The following WLS variants were observed in gnomAD, a reference collection of about 807,000 sequenced individuals.
WLS encodes the protein protein wntless homolog.
Under a neutral mutation model 62.8 loss-of-function variants are expected in WLS, and 23 were observed. That is an observed-to-expected ratio of 0.37 (90% confidence interval 0.26 to 0.52). The LOEUF (loss-of-function observed/expected upper bound fraction) is 0.52. Ranked by LOEUF, WLS falls within the 20% of genes least tolerant of loss-of-function variation. The probability of loss-of-function intolerance (pLI) is 0.92; values close to 1 mark genes in which losing one functional copy is unlikely to be tolerated. For missense variants in WLS, 615 were observed against 697.3 expected (o/e 0.88, Z 1.33); for synonymous variants, 246 against 244.1 (o/e 1.01, Z -0.07).
intron 1 of WLS, 98 bp downstream of exon 1, chr1:68,232,096 G>A (rs1650454517): frequency 6.6e-7 from 1 of 1,507,716 alleles, no homozygotes; most frequent in African/African-American, 1.4e-5. Flanking sequence ...GATCATAGAA[G>A]CAAGGCAGTG....
intron 1 of WLS, among the ~76,000 whole-genome samples, chr1:68,206,010 G>T (rs530859424): frequency 1.3e-5 from 2 of 152,170 alleles, no homozygotes; most frequent in African/African-American, 4.8e-5. Context: ...GATTCAGAAG[G>T]GTGACAGGCA....
intron 2 of WLS, chr1:68,161,889 T>A (rs1570921269): frequency 1.2e-6 from 2 of 1,609,150 alleles, no homozygotes; most frequent in Non-Finnish European, 1.7e-6. Context: ...CTTCCACGGC[T>A]GCAGGAAGTC....
chr1:68,141,211 C>A (rs937788303), intron 10 of WLS, among the ~76,000 whole-genome samples: 3 of 152,122 alleles, frequency 2.0e-5, no homozygotes, highest in African/African-American at 7.2e-5. Context: ...GCTCTCTTAC[C>A]GGAAACATTT....
intron 11 of WLS, among the ~76,000 whole-genome samples, chr1:68,110,048 C>T (rs1415801824): frequency 1.7e-5 from 2 of 114,874 alleles, no homozygotes; most frequent in African/African-American, 7.0e-5. Flanking sequence ...CAGTAAGAGG[C>T]ATAAATTAGT....
downstream of WLS, among the ~76,000 whole-genome samples, chr1:68,122,082 T>C (rs1306971120): frequency 6.6e-6 from 1 of 152,234 alleles, no homozygotes; most frequent in Admixed American, 6.5e-5. Flanking sequence ...ACAGAAATTC[T>C]AGTTTATAGA....
rs564306207 is a variant in WLS at position 68,207,487 on chromosome 1, G to A, written c.107-13260C>T. On this transcript the variant is annotated intron_variant, in intron 1 of 11. Coordinates refer to ENST00000262348, the MANE Select transcript of WLS (RefSeq NM_024911.7). ...CTTTCTTTCAGATTTTCATTTAAAC[G>A]GCTGGGTTCCTAATATATTTCAAAA... Among the ~76,000 whole-genome samples, 76 of 152,214 alleles carry A rather than the reference G, an allele frequency of 5.0e-4. 1 individual carries two copies. The highest frequency in any genetic ancestry group is 1.7e-3 in the African/African-American group (71 of 41,536).
Position 68,144,563 on chromosome 1 carries a change from A to G in WLS, c.1362+6T>C, listed in dbSNP as rs1427398732. 6.2e-7 allele frequency: 1 copy of G among 1,613,036 alleles called. No homozygotes were observed. Among genetic ancestry groups the G allele is most frequent in the Admixed American group, 1.7e-5 (1 of 59,992 alleles). Reference sequence around the variant, plus strand: ...TTCTCACCTTGACATCTCAGGGTCCACTTACCTGACTAACGATGAAGAAGA... The same window carrying G: ...TTCTCACCTTGACATCTCAGGGTCCGCTTACCTGACTAACGATGAAGAAGA... On this transcript the variant is annotated splice_donor_region_variant and intron_variant, in intron 10 of 11. Transcript: ENST00000262348.
intron 2 of WLS, among the ~76,000 whole-genome samples, chr1:68,189,037 ATTC>A (rs1648136603): frequency 6.6e-6 from 1 of 152,206 alleles, no homozygotes; most frequent in African/African-American, 2.4e-5. Context: ...TCCAGAAATA[ATTC>A]TTAAGTTATA....
At chr1:68,189,993 A>T (rs1320800445) in intron 2 of WLS, among the ~76,000 whole-genome samples, 1 of 152,258 alleles carries the variant, frequency 6.6e-6, no homozygotes, top group Non-Finnish European at 1.5e-5. Context: ...TGGGTGACAG[A>T]GCGAGACTCC....
chr1:68,103,067 C>T (rs889057282), intron 11 of WLS, among the ~76,000 whole-genome samples: 1 of 152,194 alleles, frequency 6.6e-6, no homozygotes, highest in African/African-American at 2.4e-5. Context: ...CCGGAACCTG[C>T]ACGTAGGTCT....
chr1:68,150,524 T>G (rs977820716), intron 5 of WLS, among the ~76,000 whole-genome samples, 168 bp from the exon 6 acceptor site: 1 of 152,240 alleles, frequency 6.6e-6, no homozygotes, highest in African/African-American at 2.4e-5. Context: ...TAGTTGGCAC[T>G]GCTGCAGAAT....
intron 1 of WLS, among the ~76,000 whole-genome samples, chr1:68,217,021 A>T (rs754355847): frequency 5.3e-5 from 8 of 152,216 alleles, no homozygotes; most frequent in Non-Finnish European, 1.2e-4. Context: ...TCAATAAAAC[A>T]TGGATGGAGC....
intron 2 of WLS, among the ~76,000 whole-genome samples, chr1:68,167,203 GA>G (rs1254165876): frequency 6.6e-6 from 1 of 152,192 alleles, no homozygotes; most frequent in Non-Finnish European, 1.5e-5. Flanking sequence ...TTTTATTAGG[GA>G]AGTGAAACTC....
rs56038722 is a variant in WLS, at chr1:68,130,889, C to CTTT, written c.1517-4557_1517-4555dup. On this transcript the variant is annotated intron_variant, in intron 11 of 11. Coordinates refer to ENST00000262348, the MANE Select transcript of WLS (RefSeq NM_024911.7). ...AATGGTGAATGGTAGGTTTCTTCTT[C>CTTT]TTTTTTTTTTTTTTTTTTTTTTTAG... Among the ~76,000 whole-genome samples the CTTT allele has an allele frequency of 1.3e-3, 126 of 100,796 alleles. 2 individuals carry two copies. The highest frequency in any genetic ancestry group is 1.6e-3 in the South Asian group (4 of 2,502). The allele number at this position is 100,796 out of a possible 152,430, so 66.1% of individuals were successfully genotyped here. A position where few individuals can be genotyped will look rare whatever the true frequency, so the allele number is the denominator to read the frequency against.
chr1:68,183,529 C>G (rs1204587515), intron 2 of WLS: 1 of 533,176 alleles, frequency 1.9e-6, no homozygotes, highest in Non-Finnish European at 3.9e-6. Context: ...TATCACAATT[C>G]TTGTTGAAGG....
chr1:68,108,783 T>C (rs1399437841), intron 11 of WLS, among the ~76,000 whole-genome samples: 3 of 152,040 alleles, frequency 2.0e-5, no homozygotes, highest in African/African-American at 7.2e-5. Context: ...AAAACAGAAG[T>C]CAAAGAACAT....
intron 11 of WLS, among the ~76,000 whole-genome samples, chr1:68,101,725 T>C (rs981186649): frequency 3.3e-5 from 5 of 152,170 alleles, no homozygotes; most frequent in African/African-American, 9.7e-5. Flanking sequence ...ACTTCATGAA[T>C]TGGGGGTGAG....
intron 11 of WLS, among the ~76,000 whole-genome samples, chr1:68,133,217 T>C (rs1221519456): frequency 6.6e-6 from 1 of 152,212 alleles, no homozygotes; most frequent in Non-Finnish European, 1.5e-5. Flanking sequence ...TATAATTCTA[T>C]GTACATAAAA....
chr1:68,112,435 C>G (rs1646239756), intron 11 of WLS, among the ~76,000 whole-genome samples: 1 of 152,190 alleles, frequency 6.6e-6, no homozygotes, highest in South Asian at 2.1e-4. Flanking sequence ...GCCCAGGTGT[C>G]CAGCCTCCAC....
Sources: gnomAD v4.1 joint callset for allele counts (sites outside exome capture counted in the v4.1 genomes callset) on GRCh38, gnomAD v4.1.1 for gene constraint, MANE v1.5 for transcripts, NCBI Gene and HGNC (gene_info 2026-07-23, HGNC 2026-07-21) for gene names.